The following OXR1 variants were observed in gnomAD, a reference collection of about 807,000 sequenced individuals.
The protein encoded by OXR1 is oxidation resistance 1, also known as oxidation resistance protein 1.
In OXR1, 41 loss-of-function variants were observed where a neutral mutation model predicts 104.6. The ratio of observed to expected loss-of-function variants is 0.39; its 90% confidence interval spans 0.31 to 0.51. The LOEUF (loss-of-function observed/expected upper bound fraction) is 0.51. OXR1 is among the 20% of genes least tolerant of loss of function. The pLI, the probability that OXR1 is intolerant of heterozygous loss-of-function variation, is 0.77. For missense variants in OXR1, 955 were observed against 1,031.9 expected, an observed-to-expected ratio of 0.93 and a Z score of 1.02; for synonymous variants, 348 against 348.4, an observed-to-expected ratio of 1.00 and a Z score of 0.01.
chr8:106,558,627 C>T (rs1816457209), intron 3 of OXR1, among the ~76,000 whole-genome samples: 1 of 152,128 alleles, frequency 6.6e-6, no homozygotes, highest in Non-Finnish European at 1.5e-5. Flanking sequence ...ATTAATATAC[C>T]CATAAAATAG....
At chr8:106,425,069 TTTTG>T (rs1430455662) in intron 2 of OXR1, among the ~76,000 whole-genome samples, 1 of 150,594 alleles carries the variant, frequency 6.6e-6, no homozygotes, top group East Asian at 1.9e-4. Context: ...TAGCAGGGTT[TTTTG>T]TTTGGTTTGG....
intron 1 of OXR1, among the ~76,000 whole-genome samples, chr8:106,358,840 A>T (rs1234353114): frequency 6.6e-6 from 1 of 151,638 alleles, no homozygotes; most frequent in African/African-American, 2.4e-5. Context: ...TTCACTAAAT[A>T]ATTTAGTGAA....
At chr8:106,604,149 T>C (rs1171172134) in intron 3 of OXR1, among the ~76,000 whole-genome samples, 1 of 152,220 alleles carries the variant, frequency 6.6e-6, no homozygotes, top group African/African-American at 2.4e-5. Flanking sequence ...GTATACCGTC[T>C]ATTAACTGTG....
intron 3 of OXR1, among the ~76,000 whole-genome samples, chr8:106,600,844 C>A (rs1241161102): frequency 1.3e-5 from 2 of 152,186 alleles, no homozygotes; most frequent in African/African-American, 2.4e-5. Flanking sequence ...TTTCTTCATG[C>A]TAGGCACTGT....
intron 3 of OXR1, among the ~76,000 whole-genome samples, chr8:106,653,083 A>AAT (rs71307081): frequency 0.087 from 11,957 of 136,994 alleles, 572 homozygotes; most frequent in Middle Eastern, 0.14. Context: ...AAAAAAAAAA[A>AAT]ATATATATAT....
At chr8:106,618,361 G>A (rs762620832) in intron 3 of OXR1, among the ~76,000 whole-genome samples, 7 of 152,288 alleles carry the variant, frequency 4.6e-5, no homozygotes, top group Middle Eastern at 3.4e-3. Flanking sequence ...ATGTTTGGCT[G>A]GGGAGGTTAG....
At chr8:106,377,971 A>G (rs747108708) in intron 2 of OXR1, among the ~76,000 whole-genome samples, 2 of 152,114 alleles carry the variant, frequency 1.3e-5, no homozygotes, top group African/African-American at 4.8e-5. Context: ...GTATATTTCT[A>G]TCAGCATTAA....
intron 1 of OXR1, among the ~76,000 whole-genome samples, chr8:106,325,553 G>GATT (rs1008243175): frequency 6.6e-6 from 1 of 152,138 alleles, no homozygotes; most frequent in Admixed American, 6.6e-5. Flanking sequence ...TGAAGGTTAT[G>GATT]ATTACTGCAT....
intron 2 of OXR1, among the ~76,000 whole-genome samples, chr8:106,399,030 A>G (rs982095587): frequency 1.3e-5 from 2 of 152,090 alleles, no homozygotes; most frequent in Non-Finnish European, 2.9e-5. Context: ...CTTTTTCACT[A>G]CTGTCTTTAT....
chr8:106,729,793 A>G (rs1022686110), intron 11 of OXR1: 1 of 152,180 alleles, frequency 6.6e-6, no homozygotes, highest in African/African-American at 2.4e-5. Flanking sequence ...ATTTAATAGC[A>G]TAGTGGTCTT....
intron 2 of OXR1, among the ~76,000 whole-genome samples, chr8:106,517,835 T>G (rs940556796): frequency 6.6e-6 from 1 of 152,210 alleles, no homozygotes; most frequent in Admixed American, 6.5e-5. Flanking sequence ...GACTAAAATT[T>G]AGTAGACATT....
chr8:106,307,333 A>C (rs1360736719), intron 1 of OXR1, among the ~76,000 whole-genome samples: 1 of 152,170 alleles, frequency 6.6e-6, no homozygotes, highest in Non-Finnish European at 1.5e-5. Context: ...TGTCCCCAGG[A>C]TAACATTCGA....
At chr8:106,656,665 A>T (rs1259844437) in intron 3 of OXR1, among the ~76,000 whole-genome samples, 1 of 152,064 alleles carries the variant, frequency 6.6e-6, no homozygotes, top group Admixed American at 6.6e-5. Flanking sequence ...TTTCCCATAA[A>T]CACCGAATTA....
intron 3 of OXR1, among the ~76,000 whole-genome samples, chr8:106,642,449 A>C (rs930692830): frequency 6.6e-6 from 1 of 152,158 alleles, no homozygotes; most frequent in African/African-American, 2.4e-5. Flanking sequence ...GGTACCTTCT[A>C]TCTCAAGGCT....
At chr8:106,286,934 C>G (rs761066409) in intron 1 of OXR1, among the ~76,000 whole-genome samples, 8 of 152,036 alleles carry the variant, frequency 5.3e-5, no homozygotes, top group Non-Finnish European at 8.8e-5. Flanking sequence ...CAATAAAAGC[C>G]ATTTATGTTC....
chr8:106,717,147 C>T (rs1454422585), intron 11 of OXR1, among the ~76,000 whole-genome samples: 1 of 152,038 alleles, frequency 6.6e-6, no homozygotes, highest in South Asian at 2.1e-4. Context: ...GATCACACCA[C>T]TGCACTCCAG....
chr8:106,282,118 G>A (rs907828584), intron 1 of OXR1, among the ~76,000 whole-genome samples: 10 of 152,022 alleles, frequency 6.6e-5, no homozygotes, highest in Middle Eastern at 3.2e-3. Context: ...TCTAAAATAG[G>A]TGGTTTTAAC....
chr8:106,282,688 T>C (rs1164188953), intron 1 of OXR1, among the ~76,000 whole-genome samples: 2 of 152,220 alleles, frequency 1.3e-5, no homozygotes, highest in Non-Finnish European at 1.5e-5. Context: ...ATCATAAAGG[T>C]CTTTATCCTT....
intron 1 of OXR1, among the ~76,000 whole-genome samples, chr8:106,299,045 A>G (rs561283944): frequency 8.2e-4 from 124 of 152,144 alleles, no homozygotes; most frequent in Non-Finnish European, 6.9e-4. Flanking sequence ...GCTAGACAAT[A>G]TTGTACGTTA....
Sources: gnomAD v4.1 joint callset for allele counts (sites outside exome capture counted in the v4.1 genomes callset) on GRCh38, gnomAD v4.1.1 for gene constraint, MANE v1.5 for transcripts, NCBI Gene and HGNC (gene_info 2026-07-23, HGNC 2026-07-21) for gene names.